CHIC1: variants seen among roughly 807,000 people sequenced by gnomAD.
The protein encoded by CHIC1 is cysteine-rich hydrophobic domain-containing protein 1.
CHIC1 carries 7 observed loss-of-function variants against 18.5 expected under a neutral mutation model. The ratio of observed to expected loss-of-function variants is 0.38; its 90% confidence interval spans 0.22 to 0.71. The LOEUF (loss-of-function observed/expected upper bound fraction) is 0.71, where lower values mean the gene tolerates loss of function less well. Among genes scored for constraint, CHIC1 ranks in the 30% least tolerant of loss-of-function variants. The probability of loss-of-function intolerance (pLI) is 0.49; values close to 1 mark genes in which losing one functional copy is unlikely to be tolerated. For synonymous variants in CHIC1, 77 were observed against 73.5 expected, an observed-to-expected ratio of 1.05 and a Z score of -0.25; for missense variants, 159 against 176.9, an observed-to-expected ratio of 0.90 and a Z score of 0.57.
chrX:73,587,192 G>T (rs1414870416), intron 3 of CHIC1, among the ~76,000 whole-genome samples: 1 of 111,941 alleles, frequency 8.9e-6, no homozygotes, highest in Non-Finnish European at 1.9e-5. Context: ...AATATTTCCA[G>T]CAAAAGAATT....
chrX:73,679,632 TAACAA>T lies in CHIC1; in HGVS notation c.565-21_565-17del. 9.5e-7 allele frequency: 1 copy of T among 1,052,810 alleles called. No homozygotes were observed. The highest frequency in any genetic ancestry group is 1.3e-6 in the Non-Finnish European group (1 of 792,943). The allele number at this position is 1,052,810 out of a possible 1,213,427, so 86.8% of individuals were successfully genotyped here. Reference sequence around the variant, plus strand: ...TAGTTTAAGTTAATATAAAAATTCTTAACAAGACTATACTTTCTTAGCTTGCTTTG... The same window carrying T: ...TAGTTTAAGTTAATATAAAAATTCTTGACTATACTTTCTTAGCTTGCTTTG... On this transcript the variant is annotated splice_polypyrimidine_tract_variant and intron_variant, in intron 4 of 5. Transcript: ENST00000373502.
intron 3 of CHIC1, among the ~76,000 whole-genome samples, chrX:73,639,554 G>C (rs1257520378): frequency 2.7e-5 from 3 of 111,965 alleles, no homozygotes; most frequent in African/African-American, 9.7e-5. Flanking sequence ...TTTTGTTGCA[G>C]TTACTTTTGG....
upstream of CHIC1, chrX:73,563,191 C>T (rs1288417648): frequency 2.0e-6 from 2 of 999,804 alleles, no homozygotes; most frequent in African/African-American, 4.2e-5. Flanking sequence ...TACACCCCTC[C>T]TCTTTCTCTT....
chrX:73,592,906 C>G (rs1173241037), intron 3 of CHIC1, among the ~76,000 whole-genome samples: 1 of 110,200 alleles, frequency 9.1e-6, no homozygotes, highest in African/African-American at 3.3e-5. Flanking sequence ...TTCAGGGTTT[C>G]CATTTTTTTT....
chrX:73,617,578 C>G (rs1469030465), intron 3 of CHIC1, among the ~76,000 whole-genome samples: 2 of 111,747 alleles, frequency 1.8e-5, no homozygotes, highest in African/African-American at 6.5e-5. Context: ...TTCTACATGG[C>G]TAGGAAGGCC....
chrX:73,622,931 A>G (rs986346125), intron 3 of CHIC1, among the ~76,000 whole-genome samples: 1 of 111,524 alleles, frequency 9.0e-6, no homozygotes, highest in Non-Finnish European at 1.9e-5. Context: ...TTTCTACATT[A>G]ATTTCGTTAT....
At chrX:73,577,832 A>G (rs754635355) in intron 2 of CHIC1, among the ~76,000 whole-genome samples, 1 of 110,257 alleles carries the variant, frequency 9.1e-6, no homozygotes, top group East Asian at 2.8e-4. Flanking sequence ...ACCATATGGT[A>G]TGATTTGTTA....
chrX:73,662,475 G>C (rs749835650), intron 3 of CHIC1, among the ~76,000 whole-genome samples: 1 of 101,206 alleles, frequency 9.9e-6, no homozygotes, highest in African/African-American at 3.6e-5. Flanking sequence ...TTGCCTCTGA[G>C]AAATAGCTTG....
At chrX:73,597,169 A>G (rs764544308) in intron 3 of CHIC1, among the ~76,000 whole-genome samples, 16 of 112,196 alleles carry the variant, frequency 1.4e-4, no homozygotes, top group African/African-American at 4.2e-4. Flanking sequence ...CATTTCATTT[A>G]TAACAGCCAC....
In CHIC1 at chrX:73,581,245, G is replaced by T. The variant is rs772081739; in HGVS notation, c.352-3172G>T. ...TCAGTCCTGCTGCGGTTTGCTTAGAGTTTCTTCTGTTTACAGAGTCTCTTG... is the reference window on the plus strand; with the variant it reads ...TCAGTCCTGCTGCGGTTTGCTTAGATTTTCTTCTGTTTACAGAGTCTCTTG... On this transcript the variant is annotated intron_variant, in intron 2 of 5. Transcript: ENST00000373502. 2.7e-5 allele frequency among the ~76,000 whole-genome samples: 3 copies of T among 110,749 alleles called. No individual in the cohort carries two copies. In the South Asian group the frequency reaches 1.1e-3, roughly 42 times the overall value.
At chrX:73,674,145 G>T (rs1010384974) in intron 3 of CHIC1, among the ~76,000 whole-genome samples, 1 of 111,922 alleles carries the variant, frequency 8.9e-6, no homozygotes, top group African/African-American at 3.2e-5. Context: ...GCTGGATTCG[G>T]TTTGCCAGTA....
At position 73,563,262 on chromosome X, in the gene CHIC1, G is replaced by A; in HGVS notation, c.-23G>A. On this transcript the variant is annotated 5_prime_UTR_variant, in exon 1 of 6. Transcript: ENST00000373502. ...GGTTCAAACTCTTCTCCGGGAGCGT[G>A]GCGGCGATCGCGAGGTCACGTGATG... is the stretch of plus-strand genomic sequence containing the variant. 1.0e-5 allele frequency: 11 copies of A among 1,094,276 alleles called. No homozygotes were observed. The highest frequency in any genetic ancestry group is 1.3e-5 in the Non-Finnish European group (11 of 835,806). 90.2% of individuals were successfully genotyped at this position (1,094,276 alleles called of 1,213,427 possible).
intron 3 of CHIC1, among the ~76,000 whole-genome samples, chrX:73,636,807 C>T (rs1163957969): frequency 9.0e-6 from 1 of 110,831 alleles, no homozygotes; most frequent in African/African-American, 3.3e-5. Context: ...ATATATATAT[C>T]TGTTCCTCTG....
intron 3 of CHIC1, among the ~76,000 whole-genome samples, chrX:73,662,169 C>G (rs1015349850): frequency 9.0e-6 from 1 of 110,570 alleles, no homozygotes; most frequent in African/African-American, 3.3e-5. Flanking sequence ...TCAGAAAGTG[C>G]TATTTGCAGG....
At chrX:73,673,380 G>A (rs1170856976) in intron 3 of CHIC1, among the ~76,000 whole-genome samples, 1 of 111,888 alleles carries the variant, frequency 8.9e-6, no homozygotes, top group Non-Finnish European at 1.9e-5. Flanking sequence ...CTACCCATGA[G>A]CATGGAATGT....
rs1451377068 is a variant in CHIC1, at chrX:73,687,031, A to G, written c.*6026A>G. 5 of 111,771 alleles carry G rather than the reference A, an allele frequency of 4.5e-5. No individual in the cohort carries two copies. Among genetic ancestry groups the G allele is most frequent in the Admixed American group, 3.8e-4 (4 of 10,487 alleles). 9.2% of individuals were successfully genotyped at this position (111,771 alleles called of 1,213,427 possible). A position where few individuals can be genotyped will look rare whatever the true frequency, so the allele number is the denominator to read the frequency against. ...CGAAACTTTCACTGCTGCTTCTGTCATTGTTCACTTGTCAGATAAAATTTT... is the reference window on the plus strand; with the variant it reads ...CGAAACTTTCACTGCTGCTTCTGTCGTTGTTCACTTGTCAGATAAAATTTT... On this transcript the variant is annotated 3_prime_UTR_variant, in exon 6 of 6. Coordinates refer to ENST00000373502, the MANE Select transcript of CHIC1 (RefSeq NM_001039840.4).
intron 3 of CHIC1, among the ~76,000 whole-genome samples, chrX:73,636,804 T>C (rs925598419): frequency 2.2e-4 from 25 of 111,339 alleles, no homozygotes; most frequent in Non-Finnish European, 2.6e-4. Flanking sequence ...TTTATATATA[T>C]ATCTGTTCCT....
intron 3 of CHIC1, among the ~76,000 whole-genome samples, chrX:73,641,789 A>G (rs1202845473): frequency 9.2e-6 from 1 of 109,027 alleles, no homozygotes; most frequent in Non-Finnish European, 1.9e-5. Context: ...TGTTCTTGCG[A>G]TGGTTTACTG....
At position 73,655,263 on chromosome X, in the gene CHIC1, G is replaced by A. The variant is rs181335521; in HGVS notation, c.508-24063G>A. Among the ~76,000 whole-genome samples the A allele has an allele frequency of 5.6e-5, 6 of 106,884 alleles. 1 individual carries two copies. Among genetic ancestry groups the A allele is most frequent in the East Asian group, 5.9e-4 (2 of 3,394 alleles). 92.8% of individuals were successfully genotyped at this position (106,884 alleles called of 115,157 possible). A position where few individuals can be genotyped will look rare whatever the true frequency, so the allele number is the denominator to read the frequency against. On this transcript the variant is annotated intron_variant, in intron 3 of 5. Coordinates refer to ENST00000373502, the MANE Select transcript of CHIC1 (RefSeq NM_001039840.4). Reference sequence around the variant, plus strand: ...CCTTTTCATGGCTACATAATATTCCGTGGTGGTGGTGTGTGTGTGCGTGTG... The same window carrying A: ...CCTTTTCATGGCTACATAATATTCCATGGTGGTGGTGTGTGTGTGCGTGTG...
Sources: gnomAD v4.1 joint callset for allele counts (sites outside exome capture counted in the v4.1 genomes callset) on GRCh38, gnomAD v4.1.1 for gene constraint, MANE v1.5 for transcripts, NCBI Gene and HGNC (gene_info 2026-07-23, HGNC 2026-07-21) for gene names.